The following ROBO1 variants were observed in gnomAD, a reference collection of about 807,000 sequenced individuals.
ROBO1 encodes the protein roundabout homolog 1.
In ROBO1, 149 loss-of-function variants were observed where a neutral mutation model predicts 195.9. The observed-to-expected ratio is 0.76, with a 90% CI of 0.67 to 0.87. The LOEUF is 0.87. Ranked by LOEUF, ROBO1 falls within the 40% of genes least tolerant of loss-of-function variation. The probability of loss-of-function intolerance (pLI) is 0.00; values close to 1 mark genes in which losing one functional copy is unlikely to be tolerated. For missense variants in ROBO1, 1,933 were observed against 2,068.3 expected, an observed-to-expected ratio of 0.93 and a Z score of 1.27; for synonymous variants, 816 against 733.2, an observed-to-expected ratio of 1.11 and a Z score of -1.82.
At chr3:79,548,186 T>C (rs1342964738) in intron 2 of ROBO1, among the ~76,000 whole-genome samples, 1 of 152,284 alleles carries the variant, frequency 6.6e-6, no homozygotes, top group East Asian at 1.9e-4. Flanking sequence ...AAGGAGACAT[T>C]TCCTACCTCT....
chr3:78,604,781 C>T (rs1367982009), intron 29 of ROBO1, among the ~76,000 whole-genome samples: 1 of 152,162 alleles, frequency 6.6e-6, no homozygotes, highest in East Asian at 1.9e-4. Flanking sequence ...GATCTTACCA[C>T]AATATATCTA....
At chr3:79,763,437 A>G (rs1704819522) in intron 1 of ROBO1, among the ~76,000 whole-genome samples, 1 of 152,208 alleles carries the variant, frequency 6.6e-6, no homozygotes, top group Admixed American at 6.5e-5. Flanking sequence ...GAGGTAAGGA[A>G]CAGCAATAGG....
At chr3:79,710,101 T>G (rs752876173) in intron 1 of ROBO1, among the ~76,000 whole-genome samples, 5 of 152,050 alleles carry the variant, frequency 3.3e-5, no homozygotes, top group Non-Finnish European at 7.4e-5. Flanking sequence ...GAAGAAATAA[T>G]TGACAGCACA....
intron 1 of ROBO1, among the ~76,000 whole-genome samples, chr3:79,590,483 T>C (rs1943965111): frequency 1.3e-5 from 2 of 151,802 alleles, no homozygotes; most frequent in South Asian, 2.1e-4. Context: ...TACCAAGTGG[T>C]CTATTCTGAA....
chr3:79,332,362 CA>C (rs1204067622), intron 2 of ROBO1, among the ~76,000 whole-genome samples: 1 of 152,018 alleles, frequency 6.6e-6, no homozygotes, highest in Admixed American at 6.6e-5. Context: ...CTGAGCACAC[CA>C]ATGCACAAAT....
At chr3:78,657,014 G>T in intron 18 of ROBO1, 84 bp downstream of exon 18, 3 of 1,274,980 alleles carry the variant, frequency 2.4e-6, no homozygotes, top group Non-Finnish European at 1.1e-6. Flanking sequence ...AGCAATGGTG[G>T]GTGGCTCAGC....
At chr3:79,717,485 G>A (rs778112235) in intron 1 of ROBO1, among the ~76,000 whole-genome samples, 2 of 151,930 alleles carry the variant, frequency 1.3e-5, no homozygotes, top group African/African-American at 4.8e-5. Context: ...AACATTAATT[G>A]GCAGGTGTGT....
At chr3:79,272,364 A>C (rs184851772) in intron 2 of ROBO1, among the ~76,000 whole-genome samples, 1 of 152,180 alleles carries the variant, frequency 6.6e-6, no homozygotes, top group East Asian at 1.9e-4. Context: ...AAGATGGCCA[A>C]GTAGAAGCCT....
At chr3:79,086,612 A>G (rs2079375704) in intron 3 of ROBO1, among the ~76,000 whole-genome samples, 1 of 152,142 alleles carries the variant, frequency 6.6e-6, no homozygotes, top group Non-Finnish European at 1.5e-5. Context: ...TGCAAACTAC[A>G]GGGTCTCCAC....
At chr3:78,748,834 T>C (rs1209252791) in intron 4 of ROBO1, among the ~76,000 whole-genome samples, 2 of 152,172 alleles carry the variant, frequency 1.3e-5, no homozygotes, top group African/African-American at 4.8e-5. Flanking sequence ...AAGACCTTCT[T>C]TCTTATCTTT....
chr3:79,589,826 G>A lies in ROBO1; in HGVS notation c.86C>T (p.Pro29Leu), dbSNP rs750822160. 1.2e-6 allele frequency: 2 copies of A among 1,609,448 alleles called. No homozygotes were observed. The highest frequency in any genetic ancestry group is 1.7e-6 in the Non-Finnish European group (2 of 1,176,580). The change falls in exon 2 of 31, where the codon CCA (proline) becomes CTA (leucine). Residue 29 changes from proline to leucine, a missense_variant and splice_region_variant. Around this residue, in one of 3 missense-constraint regions of ROBO1, gnomAD observed 185 missense variants for 159.5 expected, o/e 1.16. Coordinates refer to ENST00000464233, the MANE Select transcript of ROBO1 (RefSeq NM_002941.4). ...PNHLFLAQLI[P>L]DPEDVERGND... ...TGAAACAAATGCACAGCACTTACCTGGAATAAGCTGGGCCAGAAACAGGTG... is the reference window on the plus strand; with the variant it reads ...TGAAACAAATGCACAGCACTTACCTAGAATAAGCTGGGCCAGAAACAGGTG...
At chr3:79,280,847 G>C (rs1472933651) in intron 2 of ROBO1, among the ~76,000 whole-genome samples, 1 of 152,162 alleles carries the variant, frequency 6.6e-6, no homozygotes, top group African/African-American at 2.4e-5. Context: ...GCTCCTATGA[G>C]AATCTAATGT....
At chr3:79,343,324 A>C (rs1445076037) in intron 2 of ROBO1, among the ~76,000 whole-genome samples, 1 of 152,156 alleles carries the variant, frequency 6.6e-6, no homozygotes, top group Admixed American at 6.6e-5. Context: ...GTGCAATAAA[A>C]GTTTCCTGCT....
chr3:79,373,969 TTGAC>T (rs2036293177), intron 2 of ROBO1, among the ~76,000 whole-genome samples: 2 of 152,204 alleles, frequency 1.3e-5, no homozygotes, highest in South Asian at 4.1e-4. Context: ...TTATCTTGTA[TTGAC>T]TATTTGATAG....
Position 79,109,991 on chromosome 3 carries a change from G to C in ROBO1, c.172+15465C>G, listed in dbSNP as rs530620644. ...TTAATAATACATGAAGCTTACTGCA[G>C]ATGACCCCTACATTGGTATGAGAAG... On this transcript the variant is annotated intron_variant, in intron 3 of 30. Coordinates refer to ENST00000464233, the MANE Select transcript of ROBO1 (RefSeq NM_002941.4). 3.9e-5 allele frequency among the ~76,000 whole-genome samples: 6 copies of C among 152,240 alleles called. No homozygotes were observed. The East Asian group carries it at 1.2e-3, about 29-fold the overall frequency.
At chr3:78,780,874 C>A (rs1475239293) in intron 4 of ROBO1, among the ~76,000 whole-genome samples, 1 of 152,054 alleles carries the variant, frequency 6.6e-6, no homozygotes. Context: ...GGTTCTCTAA[C>A]TCACCCCTGC....
intron 2 of ROBO1, among the ~76,000 whole-genome samples, chr3:79,343,675 G>A (rs1046171023): frequency 2.6e-5 from 4 of 152,032 alleles, no homozygotes; most frequent in African/African-American, 9.7e-5. Flanking sequence ...ACTTTATACA[G>A]AAAAGTAGGG....
intron 1 of ROBO1, among the ~76,000 whole-genome samples, chr3:79,652,491 A>G (rs1946040326): frequency 6.6e-6 from 1 of 152,016 alleles, no homozygotes; most frequent in Non-Finnish European, 1.5e-5. Context: ...CATTGCCTTA[A>G]CTTTGGGTTT....
intron 4 of ROBO1, among the ~76,000 whole-genome samples, chr3:78,880,210 C>T (rs2036101083): frequency 6.6e-6 from 1 of 152,014 alleles, no homozygotes; most frequent in Admixed American, 6.6e-5. Flanking sequence ...ACTTTAAAGA[C>T]CATGTAATTT....
Sources: gnomAD v4.1 joint callset for allele counts (sites outside exome capture counted in the v4.1 genomes callset) on GRCh38, gnomAD v4.1.1 for gene constraint, gnomAD v4.1.1 regional missense constraint, MANE v1.5 for transcripts, NCBI Gene and HGNC (gene_info 2026-07-23, HGNC 2026-07-21) for gene names.